Variants in RXRA observed in about 807,000 individuals in gnomAD.
The protein encoded by RXRA is retinoid X receptor alpha, also known as retinoic acid receptor RXR-alpha.
RXRA carries 5 observed loss-of-function variants against 44.5 expected under a neutral mutation model. That is an observed-to-expected ratio of 0.11 (90% CI 0.06 to 0.24). RXRA has a LOEUF of 0.24. Ranked by LOEUF, RXRA falls within the 10% of genes least tolerant of loss-of-function variation. The pLI is 1.00. For synonymous variants in RXRA, 291 were observed against 271.4 expected (o/e 1.07, Z -0.71); for missense variants, 412 against 646.5 (o/e 0.64, Z 3.93).
intron 1 of RXRA, among the ~76,000 whole-genome samples, chr9:134,360,522 C>T (rs1479734896): frequency 6.6e-6 from 1 of 152,240 alleles, no homozygotes; most frequent in Non-Finnish European, 1.5e-5. Context: ...ACAGTGTGGG[C>T]AGCCAGTGCC....
intron 1 of RXRA, among the ~76,000 whole-genome samples, chr9:134,354,877 G>A (rs959034283): frequency 1.3e-4 from 20 of 152,250 alleles, no homozygotes; most frequent in African/African-American, 4.8e-4. Flanking sequence ...TCCCCTAAGA[G>A]CCAGTGGAGC....
chr9:134,377,630 T>C (rs2119094767), intron 1 of RXRA, among the ~76,000 whole-genome samples: 1 of 152,328 alleles, frequency 6.6e-6, no homozygotes, highest in African/African-American at 2.4e-5. Flanking sequence ...CACTTCTGTC[T>C]CTTGTTGGCC....
rs371730041 is a variant in RXRA, at chr9:134,401,708, G to A, written c.105G>A (p.Pro35=). 40 of 1,612,932 alleles carry A rather than the reference G, an allele frequency of 2.5e-5. No homozygotes were observed. The highest frequency in any genetic ancestry group is 1.6e-4 in the East Asian group (7 of 44,882). Residue 35 remains proline (P), a synonymous_variant, in exon 2 of 10, where the codon CCG becomes CCA. Transcript: ENST00000481739. Reference sequence around the variant, plus strand: ...CCATGGCTGCCCCCTCGCTGCACCCGTCCCTGGGGCCTGGCATCGGCTCCC... The same window carrying A: ...CCATGGCTGCCCCCTCGCTGCACCCATCCCTGGGGCCTGGCATCGGCTCCC... ...RGSMAAPSLH[P]SLGPGIGSPG... is the part of the protein sequence containing the mutation.
chr9:134,328,252 A>AG (rs1834947217), intron 1 of RXRA, among the ~76,000 whole-genome samples: 1 of 152,216 alleles, frequency 6.6e-6, no homozygotes, highest in Non-Finnish European at 1.5e-5. Flanking sequence ...TGGACGTGGC[A>AG]GGGGCCTGGC....
intron 1 of RXRA, among the ~76,000 whole-genome samples, chr9:134,368,585 A>G (rs1830444961): frequency 6.6e-6 from 1 of 150,900 alleles, no homozygotes; most frequent in African/African-American, 2.4e-5. Context: ...GGTATGTGTG[A>G]CTGTAGGTGA....
chr9:134,341,642 C>G (rs1278286546), intron 1 of RXRA, among the ~76,000 whole-genome samples: 1 of 152,328 alleles, frequency 6.6e-6, no homozygotes, highest in South Asian at 2.1e-4. Context: ...TGGGCTGGCT[C>G]GCAGCTTGGC....
At chr9:134,361,694 A>G (rs544881206) in intron 1 of RXRA, among the ~76,000 whole-genome samples, 8 of 152,276 alleles carry the variant, frequency 5.3e-5, no homozygotes, top group African/African-American at 1.9e-4. Context: ...AATGGCTCTG[A>G]TTAACATCGG....
chr9:134,383,203 T>C (rs1830671510), intron 1 of RXRA, among the ~76,000 whole-genome samples: 1 of 152,216 alleles, frequency 6.6e-6, no homozygotes. Flanking sequence ...CCCAGAGGGC[T>C]GAGCAGCTGG....
chr9:134,408,501 G>A (rs896046448), intron 3 of RXRA, among the ~76,000 whole-genome samples: 1 of 152,246 alleles, frequency 6.6e-6, no homozygotes, highest in Non-Finnish European at 1.5e-5. Context: ...GACAGTGAGT[G>A]TTGGGTGGGG....
At chr9:134,341,658 C>T (rs1362005957) in intron 1 of RXRA, among the ~76,000 whole-genome samples, 1 of 152,192 alleles carries the variant, frequency 6.6e-6, no homozygotes, top group Non-Finnish European at 1.5e-5. Flanking sequence ...TTGGCCGGCA[C>T]ACACCTGGTG....
chr9:134,428,958 T>C (rs942732004), intron 6 of RXRA, 150 bp from the exon 7 acceptor site: 3 of 923,206 alleles, frequency 3.2e-6, no homozygotes, highest in Non-Finnish European at 4.9e-6. Flanking sequence ...GAACCTCTTT[T>C]CTGTGGAACA....
At chr9:134,428,427 A>G (rs1564297642) in intron 6 of RXRA, among the ~76,000 whole-genome samples, 1 of 115,368 alleles carries the variant, frequency 8.7e-6, no homozygotes, top group South Asian at 3.7e-4. Context: ...GCCCCAGGGA[A>G]CCCCCACTAT....
intron 6 of RXRA, chr9:134,424,015 G>C (rs1213445877): frequency 1.0e-6 from 1 of 985,356 alleles, no homozygotes; most frequent in African/African-American, 1.7e-5. Flanking sequence ...CGCCATGTTT[G>C]TGTGGTGCCT....
At chr9:134,352,338 C>CG (rs1564266185) in intron 1 of RXRA, among the ~76,000 whole-genome samples, 1 of 151,898 alleles carries the variant, frequency 6.6e-6, no homozygotes, top group Admixed American at 6.6e-5. Context: ...AGGGTGAGTA[C>CG]GGGAAGGGGC....
chr9:134,424,098 C>A (rs563160914), intron 6 of RXRA: 1 of 985,164 alleles, frequency 1.0e-6, no homozygotes, highest in African/African-American at 1.7e-5. Context: ...TGGTGGAGTG[C>A]GGTGCTGAGG....
chr9:134,346,353 A>G (rs935734356), intron 1 of RXRA, among the ~76,000 whole-genome samples: 1 of 151,954 alleles, frequency 6.6e-6, no homozygotes, highest in African/African-American at 2.4e-5. Context: ...CCCTCCCCCA[A>G]ATGCCCTTCT....
chr9:134,352,538 CTG>C, intron 1 of RXRA, among the ~76,000 whole-genome samples: 1 of 152,196 alleles, frequency 6.6e-6, no homozygotes, highest in East Asian at 1.9e-4. Context: ...AGTGTGCAGA[CTG>C]TGTGGGAACT....
intron 4 of RXRA, among the ~76,000 whole-genome samples, chr9:134,411,722 A>G (rs1356095774): frequency 6.6e-6 from 1 of 152,196 alleles, no homozygotes; most frequent in Non-Finnish European, 1.5e-5. Context: ...CTCGCCCCAA[A>G]CACAGCTGCA....
At chr9:134,381,130 G>C (rs1564278183) in intron 1 of RXRA, among the ~76,000 whole-genome samples, 1 of 152,192 alleles carries the variant, frequency 6.6e-6, no homozygotes, top group African/African-American at 2.4e-5. Context: ...ACTGATTTGA[G>C]GAAGGACAGA....
Sources: allele counts gnomAD v4.1 joint callset (sites outside exome capture counted in the v4.1 genomes callset), GRCh38; gene constraint gnomAD v4.1.1; transcripts MANE v1.5; gene names NCBI Gene and HGNC (gene_info 2026-07-23, HGNC 2026-07-21).